AKAP12: variants seen among roughly 807,000 people sequenced by gnomAD.
AKAP12 encodes A-kinase anchoring protein 12.
In AKAP12, 32 loss-of-function variants were observed where a neutral mutation model predicts 79.9. The ratio of observed to expected loss-of-function variants is 0.40; its 90% confidence interval spans 0.30 to 0.54. AKAP12 has a LOEUF of 0.54. Ranked by LOEUF, AKAP12 falls within the 20% of genes least tolerant of loss-of-function variation. AKAP12 has a pLI of 0.48. For missense variants in AKAP12, 2,074 were observed against 2,177.0 expected, an observed-to-expected ratio of 0.95 and a Z score of 0.94; for synonymous variants, 808 against 857.0, an observed-to-expected ratio of 0.94 and a Z score of 1.00.
intron 2 of AKAP12, among the ~76,000 whole-genome samples, chr6:151,260,159 G>A (rs1797395740): frequency 1.3e-5 from 2 of 152,160 alleles, no homozygotes; most frequent in African/African-American, 4.8e-5. Context: ...GTGCTTATTA[G>A]GTACCAAGCA....
intron 3 of AKAP12, among the ~76,000 whole-genome samples, chr6:151,319,453 CT>C (rs1271005393): frequency 1.4e-5 from 2 of 142,750 alleles, no homozygotes; most frequent in Admixed American, 1.4e-4. Context: ...GTCTATCTAT[CT>C]ATCTATCTAT....
At chr6:151,336,908 C>T (rs148664350) in intron 3 of AKAP12, among the ~76,000 whole-genome samples, 41 of 152,184 alleles carry the variant, frequency 2.7e-4, no homozygotes, top group African/African-American at 8.4e-4. Flanking sequence ...CCCAAGGACC[C>T]GGTGCTAGTA....
chr6:151,313,009 A>G (rs574967554), intron 3 of AKAP12, among the ~76,000 whole-genome samples: 3 of 152,284 alleles, frequency 2.0e-5, no homozygotes, highest in Admixed American at 2.0e-4. Flanking sequence ...TTACATTTAT[A>G]ATCATCTAGG....
intron 2 of AKAP12, among the ~76,000 whole-genome samples, chr6:151,260,160 G>A (rs1797395793): frequency 6.6e-6 from 1 of 152,086 alleles, no homozygotes; most frequent in African/African-American, 2.4e-5. Flanking sequence ...TGCTTATTAG[G>A]TACCAAGCAG....
intron 1 of AKAP12, 27 bp from the exon 2 acceptor site, chr6:151,240,357 T>TG: frequency 6.1e-6 from 1 of 164,228 alleles, no homozygotes; most frequent in Non-Finnish European, 1.1e-5. Flanking sequence ...AGAGGTGGCC[T>TG]TTTTTTTTTT....
intron 3 of AKAP12, among the ~76,000 whole-genome samples, chr6:151,328,344 T>C (rs1365466369): frequency 2.5e-5 from 2 of 80,838 alleles, no homozygotes; most frequent in Admixed American, 1.3e-4. Context: ...AAAAAAAAAA[T>C]TGACAGTAAG....
intron 2 of AKAP12, among the ~76,000 whole-genome samples, chr6:151,288,238 G>T (rs1453735869): frequency 6.6e-6 from 1 of 152,032 alleles, no homozygotes; most frequent in Non-Finnish European, 1.5e-5. Context: ...ATTATGGCTG[G>T]GTGCAGTGGC....
chr6:151,301,417 TTAAA>T (rs1562728193), intron 2 of AKAP12, among the ~76,000 whole-genome samples: 1 of 152,198 alleles, frequency 6.6e-6, no homozygotes, highest in Non-Finnish European at 1.5e-5. Flanking sequence ...CAGAAAAGAC[TTAAA>T]TGAATGTAGG....
intron 2 of AKAP12, among the ~76,000 whole-genome samples, chr6:151,300,499 G>C (rs1300534087): frequency 6.6e-6 from 1 of 152,154 alleles, no homozygotes; most frequent in African/African-American, 2.4e-5. Flanking sequence ...GCTGTCAAGG[G>C]CTCATCATTT....
At chr6:151,265,745 A>G (rs1797539887) in intron 2 of AKAP12, among the ~76,000 whole-genome samples, 1 of 152,204 alleles carries the variant, frequency 6.6e-6, no homozygotes, top group South Asian at 2.1e-4. Flanking sequence ...TTTCCCATCC[A>G]TCCCTCATCA....
chr6:151,270,498 T>C (rs1006971168), intron 2 of AKAP12, among the ~76,000 whole-genome samples: 15 of 152,242 alleles, frequency 9.9e-5, no homozygotes, highest in Non-Finnish European at 1.8e-4. Flanking sequence ...TGAACACTAA[T>C]GTACAATTCT....
At chr6:151,334,604 A>G (rs1344378340) in intron 3 of AKAP12, among the ~76,000 whole-genome samples, 2 of 147,028 alleles carry the variant, frequency 1.4e-5, no homozygotes, top group African/African-American at 2.6e-5. Flanking sequence ...CAAAAAAATA[A>G]AAAAGAGTGC....
intron 3 of AKAP12, among the ~76,000 whole-genome samples, chr6:151,308,524 C>T (rs927025065): frequency 1.3e-5 from 2 of 151,988 alleles, no homozygotes; most frequent in African/African-American, 4.8e-5. Context: ...ATTAATATAC[C>T]TTGTCCTTCC....
intron 2 of AKAP12, among the ~76,000 whole-genome samples, chr6:151,285,385 TG>T (rs1776482806): frequency 3.4e-3 from 1 of 290 alleles, no homozygotes; most frequent in Non-Finnish European, 0.012. Context: ...TGCATTTCAC[TG>T]TGTGTGTGTG....
intron 3 of AKAP12, among the ~76,000 whole-genome samples, chr6:151,342,014 C>G (rs1039967725): frequency 6.6e-6 from 1 of 152,242 alleles, no homozygotes; most frequent in African/African-American, 2.4e-5. Flanking sequence ...GCGCCAGCAG[C>G]CTACCTCCCC....
intron 2 of AKAP12, among the ~76,000 whole-genome samples, chr6:151,263,455 C>G (rs1235652378): frequency 6.6e-6 from 1 of 152,236 alleles, no homozygotes; most frequent in Non-Finnish European, 1.5e-5. Context: ...AACTCTTCCT[C>G]TAACTCTGTA....
At chr6:151,268,718 C>G (rs1272686046) in intron 2 of AKAP12, among the ~76,000 whole-genome samples, 1 of 152,174 alleles carries the variant, frequency 6.6e-6, no homozygotes, top group East Asian at 1.9e-4. Context: ...TCTCAGTTCA[C>G]TGCAACCTCT....
Position 151,240,633 on chromosome 6 carries a change from A to C in AKAP12, c.71A>C (p.Glu24Ala). 7.3e-7 allele frequency: 1 copy of C among 1,361,852 alleles called. No individual in the cohort carries two copies. The highest frequency in any genetic ancestry group is 9.4e-7 in the Non-Finnish European group (1 of 1,061,364). The allele number at this position is 1,361,852 out of a possible 1,614,324, so 84.4% of individuals were successfully genotyped here. A position where few individuals can be genotyped will look rare whatever the true frequency, so the allele number is the denominator to read the frequency against. Residue 24 changes from glutamate (E) to alanine (A), a missense_variant, in exon 2 of 5, where the codon GAG becomes GCG. Transcript: ENST00000402676. ...CCCGAGGGGAGCTCCACGCCGGCTG[A>C]GCCCGAGCCCAGCGGCGGCGGCCCC... ...QPPEGSSTPA[E>A]PEPSGGGPSA...
intron 2 of AKAP12, among the ~76,000 whole-genome samples, chr6:151,280,822 T>C (rs1776390458): frequency 6.6e-6 from 1 of 151,936 alleles, no homozygotes; most frequent in African/African-American, 2.4e-5. Flanking sequence ...TTTTTGAAAA[T>C]ATTGTAATAT....
Sources: allele counts gnomAD v4.1 joint callset (sites outside exome capture counted in the v4.1 genomes callset), GRCh38; gene constraint gnomAD v4.1.1; transcripts MANE v1.5; gene names NCBI Gene and HGNC (gene_info 2026-07-23, HGNC 2026-07-21).